SCN7A: variants seen among roughly 807,000 people sequenced by gnomAD.
SCN7A encodes the protein sodium channel protein type 7 subunit alpha.
In SCN7A, 138 loss-of-function variants were observed where a neutral mutation model predicts 155.2. The observed-to-expected ratio is 0.89, with a 90% confidence interval of 0.77 to 1.02. The LOEUF (loss-of-function observed/expected upper bound fraction) is 1.02. Among genes scored for constraint, SCN7A ranks in the 50% least tolerant of loss-of-function variants. The probability of loss-of-function intolerance (pLI) is 0.00; values close to 1 mark genes in which losing one functional copy is unlikely to be tolerated. For synonymous variants in SCN7A, 693 were observed against 649.0 expected, an observed-to-expected ratio of 1.07 and a Z score of -1.03; for missense variants, 2,058 against 1,986.6, an observed-to-expected ratio of 1.04 and a Z score of -0.68.
chr2:166,409,417 G>A lies in SCN7A; in HGVS notation c.3982+248C>T, dbSNP rs183192383. On this transcript the variant is annotated intron_variant, in intron 25 of 25. Coordinates refer to ENST00000643258, the MANE Select transcript of SCN7A (RefSeq NM_002976.4). ...TGACTAAACATTCACCTGGTGGCTT[G>A]TATGCAAAGTCTATGTTATTAGAAA... Among the ~76,000 whole-genome samples, 3 of 151,998 alleles carry A rather than the reference G, an allele frequency of 2.0e-5. No individual in the cohort carries two copies. The East Asian group carries it at 5.8e-4, about 29-fold the overall frequency.
intron 6 of SCN7A, 101 bp downstream of exon 6, chr2:166,472,216 A>G: frequency 1.7e-6 from 2 of 1,197,574 alleles, no homozygotes; most frequent in Non-Finnish European, 2.3e-6. Context: ...TCACTTGCAG[A>G]CTATCTGCAG....
intron 14 of SCN7A, among the ~76,000 whole-genome samples, chr2:166,442,223 T>A (rs1701977089): frequency 6.6e-6 from 1 of 152,154 alleles, no homozygotes. Flanking sequence ...ACATTCTAGG[T>A]TTATATTGAA....
rs115525811 is a variant in SCN7A, at chr2:166,481,541, A to C, written c.-14-3831T>G. On this transcript the variant is annotated intron_variant, in intron 2 of 25. Transcript: ENST00000643258. ...AGAAAATTGTCAAGGGATTTTACTT[A>C]ATAGTAACTGCAATACAAATCAATA... Among the ~76,000 whole-genome samples, 1,164 of 152,266 alleles carry C rather than the reference A, an allele frequency of 7.6e-3. 15 individuals carry two copies. Among genetic ancestry groups the C allele is most frequent in the African/African-American group, 0.026 (1,081 of 41,560 alleles).
At chr2:166,475,239 A>G (rs1317274131) in intron 3 of SCN7A, among the ~76,000 whole-genome samples, 6 of 148,206 alleles carry the variant, frequency 4.0e-5, no homozygotes, top group Admixed American at 6.8e-5. Flanking sequence ...TGAATATTTT[A>G]TAGCTTACAG....
At chr2:166,457,634 G>A (rs1234463780) in intron 10 of SCN7A, among the ~76,000 whole-genome samples, 1 of 152,138 alleles carries the variant, frequency 6.6e-6, no homozygotes, top group South Asian at 2.1e-4. Flanking sequence ...GCTACATGGG[G>A]AAGTCAAATT....
chr2:166,432,541 A>C lies in SCN7A; in HGVS notation c.2369T>G (p.Ile790Ser), dbSNP rs1701755034. Residue 790 changes from isoleucine to serine, a missense_variant, in exon 16 of 26, where the codon ATT becomes AGT. Transcript: ENST00000643258. ...CAATTCAGAAAGGGTATGGTCAGAA[A>C]TATCTTCTTTAACATATACCTCATT... Reference protein sequence around the residue: ...HVNEVYVKEDISDHTLSELSN... With the variant: ...HVNEVYVKEDSSDHTLSELSN... The C allele has an allele frequency of 6.2e-7, 1 of 1,613,590 alleles. No homozygotes were observed. The highest frequency in any genetic ancestry group is 8.5e-7 in the Non-Finnish European group (1 of 1,179,632).
At chr2:166,417,323 A>C (rs1283759122) in intron 20 of SCN7A, among the ~76,000 whole-genome samples, 1 of 152,050 alleles carries the variant, frequency 6.6e-6, no homozygotes, top group African/African-American at 2.4e-5. Context: ...AATACAAAAA[A>C]TTAGCCAGGT....
At chr2:166,475,137 T>TATATATATACATATATATATATAC (rs1553520569) in intron 3 of SCN7A, among the ~76,000 whole-genome samples, 156 of 133,840 alleles carry the variant, frequency 1.2e-3, no homozygotes, top group African/African-American at 3.7e-3. Flanking sequence ...TATATATATA[T>TATATATATACATATATATATATAC]ACACACACAC....
intron 15 of SCN7A, among the ~76,000 whole-genome samples, chr2:166,435,080 T>A (rs1006242160): frequency 6.6e-6 from 1 of 152,040 alleles, no homozygotes; most frequent in Non-Finnish European, 1.5e-5. Context: ...TATATATATA[T>A]AGTGAAAATG....
At chr2:166,408,508 C>T (rs1244778989) in intron 25 of SCN7A, among the ~76,000 whole-genome samples, 5 of 152,034 alleles carry the variant, frequency 3.3e-5, no homozygotes, top group African/African-American at 1.2e-4. Context: ...AATTGCTTTT[C>T]CTTCCAGTTC....
At chr2:166,440,148 C>T (rs754877908) in intron 15 of SCN7A, among the ~76,000 whole-genome samples, 4 of 151,938 alleles carry the variant, frequency 2.6e-5, no homozygotes, top group Non-Finnish European at 5.9e-5. Context: ...TTTTATAGAC[C>T]AGGGGTTTTC....
intron 2 of SCN7A, among the ~76,000 whole-genome samples, chr2:166,480,826 T>A (rs1389116298): frequency 6.6e-6 from 1 of 152,216 alleles, no homozygotes; most frequent in African/African-American, 2.4e-5. Flanking sequence ...AACTGGTTGC[T>A]CAGGGACTTT....
Position 166,443,588 on chromosome 2 carries a change from A to G in SCN7A, c.1715T>C (p.Phe572Ser). Residue 572 changes from phenylalanine to serine, a missense_variant, in exon 14 of 26, where the codon TTT becomes TCT. Coordinates refer to ENST00000643258, the MANE Select transcript of SCN7A (RefSeq NM_002976.4). ...YGYFQVGWNI[F>S]DSMIVFHGLI... is the part of the protein sequence containing the mutation. The stretch of plus-strand genomic sequence containing the variant: ...ACCATGGAACACTATCATGCTATCA[A>G]AAATGTTCCAACCTACTTGGAAATA... 6.3e-7 allele frequency: 1 copy of G among 1,585,324 alleles called. No homozygotes were observed. Among genetic ancestry groups the G allele is most frequent in the East Asian group, 2.3e-5 (1 of 43,960 alleles).
rs1574993481 is a variant in SCN7A, at chr2:166,405,783, T to C, written c.4846A>G (p.Ile1616Val). The part of the protein sequence containing the change: ...ANPFKITCEP[I>V]TTTLKRKQEA... ...TGTTTTCGTTTCAAAGTAGTCGTAATTGGCTCACATGTGATCTTAAAAGGG... is the reference window on the plus strand; with the variant it reads ...TGTTTTCGTTTCAAAGTAGTCGTAACTGGCTCACATGTGATCTTAAAAGGG... The change falls in exon 26 of 26, where the codon ATT (isoleucine) becomes GTT (valine). Residue 1616 changes from isoleucine (I) to valine (V), a missense_variant. Coordinates refer to ENST00000643258, the MANE Select transcript of SCN7A (RefSeq NM_002976.4). 1.2e-6 allele frequency: 2 copies of C among 1,613,050 alleles called. No individual in the cohort carries two copies. Among genetic ancestry groups the C allele is most frequent in the Non-Finnish European group, 1.7e-6 (2 of 1,179,372 alleles).
chr2:166,417,469 T>G (rs1701404628), intron 20 of SCN7A, among the ~76,000 whole-genome samples: 1 of 151,580 alleles, frequency 6.6e-6, no homozygotes, highest in African/African-American at 2.4e-5. Context: ...CCAGACTCCA[T>G]CCCCCCACAA....
chr2:166,455,460 G>A (rs1316412243), intron 11 of SCN7A, among the ~76,000 whole-genome samples: 1 of 152,092 alleles, frequency 6.6e-6, no homozygotes, highest in East Asian at 1.9e-4. Flanking sequence ...ACTAAATACT[G>A]CATGTTCTCA....
At position 166,463,498 on chromosome 2, in the gene SCN7A, T is replaced by A. The variant is rs116063969; in HGVS notation, c.942-968A>T. Among the ~76,000 whole-genome samples, 1,240 of 152,358 alleles carry A rather than the reference T, an allele frequency of 8.1e-3. 20 individuals are homozygous for A. Among genetic ancestry groups the A allele is most frequent in the African/African-American group, 0.028 (1,155 of 41,592 alleles). The stretch of plus-strand genomic sequence containing the variant: ...GTTGTCTTGTTGTTTTGGGATAGTT[T>A]ACCATGCAGCCAAGTATGACTGCTG... On this transcript the variant is annotated intron_variant, in intron 9 of 25. Transcript: ENST00000643258.
chr2:166,443,562 A>G lies in SCN7A; in HGVS notation c.1741T>C (p.Leu581=). Residue 581 remains leucine (L), a synonymous_variant, in exon 14 of 26, where the codon TTA becomes CTA. Coordinates refer to ENST00000643258, the MANE Select transcript of SCN7A (RefSeq NM_002976.4). ...IFDSMIVFHG[L]IELCLANVAG... ...ACATTTGCTAGACAAAGTTCTATTA[A>G]ACCATGGAACACTATCATGCTATCA... 6.3e-7 allele frequency: 1 copy of G among 1,594,498 alleles called. No homozygotes were observed. The highest frequency in any genetic ancestry group is 8.5e-7 in the Non-Finnish European group (1 of 1,169,978).
rs1420129797 is a variant in SCN7A at position 166,444,813 on chromosome 2, C to T, written c.1575G>A (p.Glu525=). Residue 525 remains glutamate (E), a synonymous_variant, in exon 13 of 26, where the codon GAG becomes GAA. Transcript: ENST00000643258. ...TAGTTTGTTTACTCATTGGATAATG[C>T]TCCAAGGTCAGAAAACATACGTTTA... ...IILNVCFLTL[E]HYPMSKQTNT... 4.4e-6 allele frequency: 7 copies of T among 1,607,292 alleles called. No individual in the cohort carries two copies. The highest frequency in any genetic ancestry group is 6.0e-6 in the Non-Finnish European group (7 of 1,175,986).
Sources: gnomAD v4.1 joint callset for allele counts (sites outside exome capture counted in the v4.1 genomes callset) on GRCh38, gnomAD v4.1.1 for gene constraint, MANE v1.5 for transcripts, NCBI Gene and HGNC (gene_info 2026-07-23, HGNC 2026-07-21) for gene names.